SKAP2: variants seen among roughly 807,000 people sequenced by gnomAD.
SKAP2 encodes src kinase-associated phosphoprotein 2.
SKAP2 carries 28 observed loss-of-function variants against 54.9 expected under a neutral mutation model. The ratio of observed to expected loss-of-function variants is 0.51; its 90% confidence interval spans 0.38 to 0.70. SKAP2 has a LOEUF of 0.70. Ranked by LOEUF, SKAP2 falls within the 30% of genes least tolerant of loss-of-function variation. The pLI, the probability that SKAP2 is intolerant of heterozygous loss-of-function variation, is 0.00. For synonymous variants in SKAP2, 137 were observed against 134.3 expected (o/e 1.02, Z -0.14); for missense variants, 356 against 424.1 (o/e 0.84, Z 1.41).
At chr7:26,696,343 G>A (rs1786895201) in intron 9 of SKAP2, among the ~76,000 whole-genome samples, 2 of 152,130 alleles carry the variant, frequency 1.3e-5, no homozygotes, top group African/African-American at 4.8e-5. Context: ...TACTCTTATG[G>A]AAATTTGGCA....
chr7:26,781,009 T>TA (rs1783413785), intron 4 of SKAP2, among the ~76,000 whole-genome samples: 2 of 152,132 alleles, frequency 1.3e-5, no homozygotes, highest in South Asian at 2.1e-4. Context: ...ATATACAAAT[T>TA]CCTATTATAA....
chr7:26,684,406 G>T (rs1409364146), intron 11 of SKAP2, among the ~76,000 whole-genome samples: 1 of 152,084 alleles, frequency 6.6e-6, no homozygotes, highest in Non-Finnish European at 1.5e-5. Context: ...AAAGGAAGAG[G>T]AAAGAAAAGC....
chr7:26,752,727 T>C (rs1168219157), intron 4 of SKAP2, among the ~76,000 whole-genome samples: 3 of 152,220 alleles, frequency 2.0e-5, no homozygotes, highest in Non-Finnish European at 4.4e-5. Flanking sequence ...AATACACTTA[T>C]TTATCAATTT....
chr7:26,797,010 G>A (rs1008573130), intron 4 of SKAP2, among the ~76,000 whole-genome samples: 1 of 152,186 alleles, frequency 6.6e-6, no homozygotes, highest in Admixed American at 6.5e-5. Context: ...AAAAGTAGAG[G>A]AGAAATCTGG....
intron 9 of SKAP2, among the ~76,000 whole-genome samples, chr7:26,724,134 A>G (rs1212021129): frequency 6.6e-6 from 1 of 152,156 alleles, no homozygotes; most frequent in Non-Finnish European, 1.5e-5. Flanking sequence ...AAAATACAAT[A>G]TGTAGATGCA....
chr7:26,706,374 TG>T (rs1262552707), intron 9 of SKAP2, among the ~76,000 whole-genome samples: 68 of 152,324 alleles, frequency 4.5e-4, no homozygotes, highest in South Asian at 1.2e-3. Flanking sequence ...ATAATATCTA[TG>T]TTTTTTTTAT....
intron 4 of SKAP2, among the ~76,000 whole-genome samples, chr7:26,792,299 C>CA (rs1217550357): frequency 6.6e-6 from 1 of 152,050 alleles, no homozygotes. Context: ...ATATAGCTAC[C>CA]AAAACTCATC....
chr7:26,779,468 G>A (rs981968495), intron 4 of SKAP2, among the ~76,000 whole-genome samples: 10 of 151,910 alleles, frequency 6.6e-5, no homozygotes, highest in African/African-American at 9.7e-5. Flanking sequence ...AACTTTGTTC[G>A]TTGACATCAA....
At chr7:26,750,441 G>C (rs1385502887) in intron 4 of SKAP2, among the ~76,000 whole-genome samples, 1 of 151,270 alleles carries the variant, frequency 6.6e-6, no homozygotes, top group African/African-American at 2.4e-5. Flanking sequence ...CTCCCAAGTA[G>C]CTGGGATTAC....
chr7:26,758,823 A>G (rs1405971875), intron 4 of SKAP2, among the ~76,000 whole-genome samples: 2 of 152,218 alleles, frequency 1.3e-5, no homozygotes, highest in South Asian at 2.1e-4. Flanking sequence ...AATTACCCAG[A>G]TATTTCTACC....
At chr7:26,799,916 A>T (rs978108445) in intron 4 of SKAP2, among the ~76,000 whole-genome samples, 1 of 152,024 alleles carries the variant, frequency 6.6e-6, no homozygotes, top group African/African-American at 2.4e-5. Context: ...CAGGAGATAG[A>T]GACCATCCTG....
At chr7:26,739,773 T>A (rs924513654) in intron 5 of SKAP2, 114 bp downstream of exon 5, 5 of 691,642 alleles carry the variant, frequency 7.2e-6, no homozygotes, top group Non-Finnish European at 9.6e-6. Flanking sequence ...TTTCTTACAA[T>A]CTTTAAACTC....
At chr7:26,792,653 T>A (rs913245039) in intron 4 of SKAP2, among the ~76,000 whole-genome samples, 5 of 152,098 alleles carry the variant, frequency 3.3e-5, no homozygotes, top group Admixed American at 6.6e-5. Context: ...GCTGAAAAAA[T>A]TATCTGATAT....
At position 26,785,000 on chromosome 7, in the gene SKAP2, C is replaced by T. The variant is rs149930910; in HGVS notation, c.308-45036G>A. Among the ~76,000 whole-genome samples, 39 of 152,212 alleles carry T rather than the reference C, an allele frequency of 2.6e-4. No homozygotes were observed. The East Asian group carries it at 6.4e-3, about 25-fold the overall frequency. On this transcript the variant is annotated intron_variant, in intron 4 of 12. Coordinates refer to ENST00000345317, the MANE Select transcript of SKAP2 (RefSeq NM_003930.5). ...ATAAATAGGTATTTTCTGTAAAATTCTTCCAATTCTTTGAGGCACATCTGG... is the reference window on the plus strand; with the variant it reads ...ATAAATAGGTATTTTCTGTAAAATTTTTCCAATTCTTTGAGGCACATCTGG...
At chr7:26,767,979 C>T (rs1319215332) in intron 4 of SKAP2, among the ~76,000 whole-genome samples, 1 of 152,074 alleles carries the variant, frequency 6.6e-6, no homozygotes, top group East Asian at 1.9e-4. Context: ...TTATTAGGTC[C>T]ACTTGGTTCA....
intron 6 of SKAP2, among the ~76,000 whole-genome samples, chr7:26,736,683 C>G (rs561414574): frequency 4.6e-5 from 7 of 152,164 alleles, no homozygotes; most frequent in African/African-American, 1.4e-4. Context: ...GAACCCTCTC[C>G]TGGGGTCTGG....
At chr7:26,809,494 CA>C (rs1057431903) in intron 4 of SKAP2, among the ~76,000 whole-genome samples, 7 of 150,448 alleles carry the variant, frequency 4.7e-5, no homozygotes, top group East Asian at 1.9e-4. Flanking sequence ...AACAGGTATA[CA>C]AAAAAAATGT....
intron 9 of SKAP2, among the ~76,000 whole-genome samples, chr7:26,704,971 A>G (rs1039520478): frequency 6.6e-6 from 1 of 152,204 alleles, no homozygotes; most frequent in Non-Finnish European, 1.5e-5. Context: ...AAGAGCCAGA[A>G]TATTTTTAAT....
intron 3 of SKAP2, among the ~76,000 whole-genome samples, chr7:26,851,871 C>G (rs1323713312): frequency 1.3e-5 from 2 of 152,064 alleles, no homozygotes; most frequent in Non-Finnish European, 2.9e-5. Context: ...TAATAACCGA[C>G]TTATTAGATA....
Sources: allele counts gnomAD v4.1 joint callset (sites outside exome capture counted in the v4.1 genomes callset), GRCh38; gene constraint gnomAD v4.1.1; transcripts MANE v1.5; gene names NCBI Gene and HGNC (gene_info 2026-07-23, HGNC 2026-07-21).